GPM6A: variants seen among roughly 807,000 people sequenced by gnomAD.
The protein encoded by GPM6A is glycoprotein M6A.
GPM6A carries 7 observed loss-of-function variants against 32.1 expected under a neutral mutation model. The ratio of observed to expected loss-of-function variants is 0.22; its 90% CI spans 0.12 to 0.41. The LOEUF (loss-of-function observed/expected upper bound fraction) is 0.41. Among genes scored for constraint, GPM6A ranks in the 10% least tolerant of loss-of-function variants. The pLI is 1.00. For synonymous variants in GPM6A, 130 were observed against 123.4 expected, an observed-to-expected ratio of 1.05 and a Z score of -0.35; for missense variants, 235 against 347.2, an observed-to-expected ratio of 0.68 and a Z score of 2.57.
chr4:175,829,020 C>T (rs148692318), intron 1 of GPM6A, among the ~76,000 whole-genome samples: 2,811 of 152,238 alleles, frequency 0.018, 95 homozygotes, highest in Admixed American at 0.1. Context: ...ACCTCCCCAG[C>T]TAAATCAATC....
intron 1 of GPM6A, chr4:175,907,321 C>G (rs1334809808): frequency 6.6e-6 from 1 of 152,164 alleles, no homozygotes; most frequent in African/African-American, 2.4e-5. Context: ...CCAACTAAAT[C>G]CACTTTATTC....
Position 175,890,558 on chromosome 4 carries a change from T to G in GPM6A, c.-22-78309A>C, listed in dbSNP as rs1359348470. Among the ~76,000 whole-genome samples the G allele has an allele frequency of 4.0e-5, 6 of 151,578 alleles. No individual in the cohort carries two copies. In the East Asian group the frequency reaches 1.2e-3, roughly 29 times the overall value. The stretch of plus-strand genomic sequence containing the variant: ...ATGCTATGTTTTTATTTTATTTTAT[T>G]TTATTATTTTATTTTATTATTTTAT... On this transcript the variant is annotated intron_variant, in intron 1 of 7. Coordinates refer to the GPM6A transcript ENST00000280187.
At chr4:175,907,101 TG>T (rs1479952048) in intron 1 of GPM6A, 1 of 152,198 alleles carries the variant, frequency 6.6e-6, no homozygotes, top group Admixed American at 6.6e-5. Context: ...TTGGCTTCTC[TG>T]GTGTACCATG....
At chr4:175,870,429 T>A (rs1225895261) in intron 1 of GPM6A, among the ~76,000 whole-genome samples, 1 of 152,192 alleles carries the variant, frequency 6.6e-6, no homozygotes, top group African/African-American at 2.4e-5. Context: ...TCACTCAAAA[T>A]GTTATTACGT....
chr4:175,754,344 A>C (rs1397761542), intron 1 of GPM6A, among the ~76,000 whole-genome samples: 2 of 152,130 alleles, frequency 1.3e-5, no homozygotes, highest in Non-Finnish European at 2.9e-5. Context: ...AGGTATTGAA[A>C]GGTGGATGTT....
chr4:175,721,837 T>G (rs1746150885), intron 1 of GPM6A, among the ~76,000 whole-genome samples: 1 of 152,198 alleles, frequency 6.6e-6, no homozygotes, highest in Non-Finnish European at 1.5e-5. Context: ...ATATTCATAT[T>G]AAGACTGAAC....
chr4:175,780,788 G>C (rs891690915), intron 1 of GPM6A, among the ~76,000 whole-genome samples: 3 of 152,100 alleles, frequency 2.0e-5, no homozygotes, highest in African/African-American at 7.2e-5. Context: ...TCAGTCCCCA[G>C]TGTGTTCTCT....
chr4:175,848,907 G>A (rs78633545), intron 1 of GPM6A, among the ~76,000 whole-genome samples: 2 of 73,076 alleles, frequency 2.7e-5, no homozygotes. Context: ...TAAGAAAACA[G>A]ATATATACAA....
chr4:175,768,562 C>A (rs1324102034), intron 1 of GPM6A, among the ~76,000 whole-genome samples: 1 of 151,584 alleles, frequency 6.6e-6, no homozygotes, highest in African/African-American at 2.4e-5. Context: ...CTAACTCAAG[C>A]AAGATGAGGA....
At chr4:175,980,362 A>C (rs573112189) in intron 1 of GPM6A, among the ~76,000 whole-genome samples, 8 of 152,218 alleles carry the variant, frequency 5.3e-5, no homozygotes, top group African/African-American at 1.7e-4. Context: ...GTCTCAAAAA[A>C]ACAAAACAAA....
chr4:175,891,951 A>G (rs949234558), intron 1 of GPM6A, among the ~76,000 whole-genome samples: 1 of 152,208 alleles, frequency 6.6e-6, no homozygotes, highest in African/African-American at 2.4e-5. Flanking sequence ...GAGATCAACA[A>G]GCAGTACAGC....
chr4:175,652,431 AATC>A (rs1741861232), intron 3 of GPM6A, among the ~76,000 whole-genome samples: 2 of 152,198 alleles, frequency 1.3e-5, no homozygotes, highest in African/African-American at 2.4e-5. Flanking sequence ...TAAGCTATTT[AATC>A]ATGTTTACCA....
chr4:175,858,693 A>T (rs1173854041), intron 1 of GPM6A, among the ~76,000 whole-genome samples: 3 of 152,120 alleles, frequency 2.0e-5, no homozygotes, highest in Non-Finnish European at 2.9e-5. Flanking sequence ...AAATATATCA[A>T]CCATATGATC....
Position 175,830,770 on chromosome 4 carries a change from G to A in GPM6A, c.-22-18521C>T, listed in dbSNP as rs970939649. The stretch of plus-strand genomic sequence containing the variant: ...TCTGTACTTACTGATTTCACTCAAT[G>A]TGTTTGTTCAGGGTCATTGGTAGAA... On this transcript the variant is annotated intron_variant, in intron 1 of 7. Transcript: ENST00000280187. 2.0e-5 allele frequency among the ~76,000 whole-genome samples: 3 copies of A among 151,506 alleles called. No homozygotes were observed. In the East Asian group the frequency reaches 5.8e-4, roughly 29 times the overall value.
chr4:175,968,234 G>A (rs910178310), intron 1 of GPM6A, among the ~76,000 whole-genome samples: 3 of 150,560 alleles, frequency 2.0e-5, no homozygotes, highest in Non-Finnish European at 4.4e-5. Flanking sequence ...AAAAAAGAAC[G>A]AATACAGAAG....
intron 1 of GPM6A, among the ~76,000 whole-genome samples, chr4:175,745,977 A>C (rs1311144823): frequency 1.3e-5 from 2 of 152,180 alleles, no homozygotes; most frequent in Non-Finnish European, 2.9e-5. Context: ...CAAAGAAATA[A>C]GGTGTCACCT....
Position 175,665,921 on chromosome 4 carries a change from C to CTTTT in GPM6A, c.387+7755_387+7758dup, listed in dbSNP as rs774784502. Among the ~76,000 whole-genome samples, 4 of 139,826 alleles carry CTTTT rather than the reference C, an allele frequency of 2.9e-5. 1 individual carries two copies. The highest frequency in any genetic ancestry group is 2.6e-5 in the African/African-American group (1 of 38,232). The allele number at this position is 139,826 out of a possible 152,430, so 91.7% of individuals were successfully genotyped here. On this transcript the variant is annotated intron_variant, in intron 3 of 6. Transcript: ENST00000393658. ...ATACTGTAAATGTCTGAAAAATGTA[C>CTTTT]TTTTTTTTTTTTTTTGAGACAGAGT...
At chr4:175,690,827 T>C (rs1420844071) in intron 2 of GPM6A, among the ~76,000 whole-genome samples, 1 of 152,186 alleles carries the variant, frequency 6.6e-6, no homozygotes, top group African/African-American at 2.4e-5. Context: ...GTTACAAGGA[T>C]TATAATATTG....
At chr4:175,810,137 C>T (rs900595055) in intron 1 of GPM6A, among the ~76,000 whole-genome samples, 1 of 152,110 alleles carries the variant, frequency 6.6e-6, no homozygotes, top group East Asian at 1.9e-4. Flanking sequence ...AAATCTGTAA[C>T]GATTTTGTCT....
Sources: gnomAD v4.1 joint callset for allele counts (sites outside exome capture counted in the v4.1 genomes callset) on GRCh38, gnomAD v4.1.1 for gene constraint, MANE v1.5 for transcripts, NCBI Gene and HGNC (gene_info 2026-07-23, HGNC 2026-07-21) for gene names.